FSTL4: variants seen among roughly 807,000 people sequenced by gnomAD.
FSTL4 encodes follistatin-related protein 4.
In FSTL4, 28 loss-of-function variants were observed where a neutral mutation model predicts 78.2. The ratio of observed to expected loss-of-function variants is 0.36; its 90% CI spans 0.27 to 0.49. FSTL4 has a LOEUF of 0.49. Among genes scored for constraint, FSTL4 ranks in the 20% least tolerant of loss-of-function variants. The pLI is 0.98. For synonymous variants in FSTL4, 422 were observed against 440.5 expected, an observed-to-expected ratio of 0.96 and a Z score of 0.53; for missense variants, 922 against 1,084.9, an observed-to-expected ratio of 0.85 and a Z score of 2.11.
At chr5:133,621,884 C>G in the FSTL4 span, among the ~76,000 whole-genome samples, 2 of 152,008 alleles carry the variant, frequency 1.3e-5, no homozygotes, top group African/African-American at 4.8e-5. Flanking sequence ...ACAGAGAGAT[C>G]TTGTGTACTC....
At chr5:133,670,407 G>A in the FSTL4 span, among the ~76,000 whole-genome samples, 1 of 152,222 alleles carries the variant, frequency 6.6e-6, no homozygotes, top group African/African-American at 2.4e-5. Flanking sequence ...ACAAAGGAAA[G>A]CGTGGGCAAG....
the FSTL4 span, among the ~76,000 whole-genome samples, chr5:133,659,933 G>C: frequency 6.6e-6 from 1 of 152,144 alleles, no homozygotes; most frequent in South Asian, 2.1e-4. Flanking sequence ...GGAAATAAAG[G>C]AGGGAGAAAG....
intron 2 of FSTL4, among the ~76,000 whole-genome samples, chr5:133,569,522 G>A (rs1456433280): frequency 1.3e-5 from 2 of 152,130 alleles, no homozygotes; most frequent in Non-Finnish European, 2.9e-5. Flanking sequence ...TCCCTCTAGT[G>A]GAATGTGGGT....
chr5:133,638,294 A>G, the FSTL4 span, among the ~76,000 whole-genome samples: 2 of 152,048 alleles, frequency 1.3e-5, no homozygotes, highest in Non-Finnish European at 1.5e-5. Flanking sequence ...CCCCAGGACT[A>G]TTCTCAAAGC....
chr5:133,828,440 T>C, the FSTL4 span, among the ~76,000 whole-genome samples: 4 of 152,246 alleles, frequency 2.6e-5, no homozygotes, highest in African/African-American at 9.6e-5. Flanking sequence ...ATATTACTTT[T>C]ATAATGTGAA....
the FSTL4 span, among the ~76,000 whole-genome samples, chr5:133,759,736 T>C: frequency 3.3e-5 from 5 of 152,222 alleles, no homozygotes; most frequent in African/African-American, 1.2e-4. Context: ...TTTTAGATTT[T>C]TGAAGGAAAC....
intron 4 of FSTL4, among the ~76,000 whole-genome samples, chr5:133,375,143 G>T (rs1755398448): frequency 6.6e-6 from 1 of 151,090 alleles, no homozygotes. Flanking sequence ...CTCCTGAAGG[G>T]ATTCTCTGCA....
chr5:133,202,146 G>T, intron 14 of FSTL4, 104 bp from the exon 15 acceptor site: 1 of 662,466 alleles, frequency 1.5e-6, no homozygotes, highest in Non-Finnish European at 2.6e-6. Flanking sequence ...AGGGGTGCTT[G>T]GGAGAGAGAT....
chr5:133,669,493 G>A, the FSTL4 span, among the ~76,000 whole-genome samples: 1 of 152,332 alleles, frequency 6.6e-6, no homozygotes, highest in Non-Finnish European at 1.5e-5. Flanking sequence ...AGCCAGGGAG[G>A]TGTCTTGCCA....
Position 133,338,161 on chromosome 5 carries a change from C to T in FSTL4, c.410-21509G>A, listed in dbSNP as rs181739520. On this transcript the variant is annotated intron_variant, in intron 4 of 15. Coordinates refer to ENST00000265342, the MANE Select transcript of FSTL4 (RefSeq NM_015082.2). The surrounding 1 kb of genome is among the most constrained non-coding windows in gnomAD (Gnocchi z 4.0). ...ATGTCTGATTGGCAGGTGTAAATGT[C>T]GATTGAGTCATGTTTCTAGATGACT... Among the ~76,000 whole-genome samples the T allele has an allele frequency of 1.8e-3, 273 of 152,286 alleles. 2 individuals are homozygous for T. Among genetic ancestry groups the T allele is most frequent in the African/African-American group, 6.1e-3 (252 of 41,544 alleles).
chr5:133,331,722 C>A, intron 4 of FSTL4, among the ~76,000 whole-genome samples: 1 of 152,170 alleles, frequency 6.6e-6, no homozygotes, highest in East Asian at 1.9e-4. Context: ...CGGACTTGAA[C>A]GATTGACAGT....
At chr5:133,542,822 C>T (rs1451140392) in intron 3 of FSTL4, among the ~76,000 whole-genome samples, 1 of 151,682 alleles carries the variant, frequency 6.6e-6, no homozygotes, top group African/African-American at 2.4e-5. Flanking sequence ...CCCTCCTCCT[C>T]CCTCTCTCCT....
At chr5:133,755,034 C>T in the FSTL4 span, among the ~76,000 whole-genome samples, 16 of 152,156 alleles carry the variant, frequency 1.1e-4, no homozygotes, top group Admixed American at 2.6e-4. Context: ...CACATGGCCT[C>T]CATCCCCCTG....
At chr5:133,694,016 C>T in the FSTL4 span, among the ~76,000 whole-genome samples, 2 of 152,242 alleles carry the variant, frequency 1.3e-5, no homozygotes. Flanking sequence ...ACCTTATCAG[C>T]TCTCTAGGTA....
the FSTL4 span, among the ~76,000 whole-genome samples, chr5:133,766,958 C>CA: frequency 6.6e-6 from 1 of 152,134 alleles, no homozygotes; most frequent in Admixed American, 6.5e-5. Flanking sequence ...AAGGCTTGAG[C>CA]AAAAGTGCGA....
At chr5:133,488,188 T>C (rs1018375277) in intron 3 of FSTL4, among the ~76,000 whole-genome samples, 1 of 152,264 alleles carries the variant, frequency 6.6e-6, no homozygotes, top group Non-Finnish European at 1.5e-5. Context: ...TTTGCTGATA[T>C]AATTATCCTG....
chr5:133,711,101 A>C, the FSTL4 span, among the ~76,000 whole-genome samples: 1 of 152,174 alleles, frequency 6.6e-6, no homozygotes. Flanking sequence ...TTAAGTACCA[A>C]AGAGCAGTAC....
rs557603190 is a variant in FSTL4 at position 133,484,904 on chromosome 5, C to A, written c.160+82282G>T. On this transcript the variant is annotated intron_variant, in intron 3 of 15. Coordinates refer to ENST00000265342, the MANE Select transcript of FSTL4 (RefSeq NM_015082.2). ...GCTCAGAGCTTTCTAAATGTAAGCA[C>A]CTTGTATTTATTAGGTAACAGTTCT... is the stretch of plus-strand genomic sequence containing the variant. Among the ~76,000 whole-genome samples the A allele has an allele frequency of 2.6e-5, 4 of 152,204 alleles. No individual in the cohort carries two copies. The South Asian group carries it at 8.3e-4, about 32-fold the overall frequency.
At chr5:133,762,914 G>A in the FSTL4 span, among the ~76,000 whole-genome samples, 3,675 of 152,206 alleles carry the variant, frequency 0.024, 117 homozygotes, top group African/African-American at 0.075. Context: ...ACCTGGGGAG[G>A]GTGAGATGGA....
Sources: allele counts gnomAD v4.1 joint callset (sites outside exome capture counted in the v4.1 genomes callset), GRCh38; gene constraint gnomAD v4.1.1; non-coding constraint Gnocchi (gnomAD v3.1); transcripts MANE v1.5; gene names NCBI Gene and HGNC (gene_info 2026-07-23, HGNC 2026-07-21).